The following RBFOX1 variants were observed in gnomAD, a reference collection of about 807,000 sequenced individuals.
RBFOX1 encodes the protein RNA binding fox-1 homolog 1.
A neutral mutation model predicts 57.7 loss-of-function variants in RBFOX1; 8 were observed. The ratio of observed to expected loss-of-function variants is 0.14; its 90% CI spans 0.08 to 0.25. RBFOX1 has a LOEUF of 0.25. Ranked by LOEUF, RBFOX1 falls within the 10% of genes least tolerant of loss-of-function variation. The pLI, the probability that RBFOX1 is intolerant of heterozygous loss-of-function variation, is 1.00. For missense variants in RBFOX1, 611 were observed against 548.5 expected (o/e 1.11, Z -1.14); for synonymous variants, 326 against 222.4 (o/e 1.47, Z -4.15).
chr16:6,418,548 G>A (rs941684673), intron 2 of RBFOX1, among the ~76,000 whole-genome samples: 5 of 117,024 alleles, frequency 4.3e-5, no homozygotes, highest in Non-Finnish European at 8.0e-5. Context: ...TTTTTTGACA[G>A]AGTCTGGCTC....
intron 4 of RBFOX1, among the ~76,000 whole-genome samples, chr16:5,956,678 A>ATATATATTTTTTTTT (rs368096576): frequency 8.6e-6 from 1 of 116,506 alleles, no homozygotes; most frequent in African/African-American, 3.5e-5. Context: ...ATATATATAT[A>ATATATATTTTTTTTT]TTTTTTTTGA....
chr16:7,691,635 T>C (rs2077361984), intron 14 of RBFOX1, among the ~76,000 whole-genome samples: 1 of 152,150 alleles, frequency 6.6e-6, no homozygotes, highest in South Asian at 2.1e-4. Context: ...TACTTGTAGG[T>C]TGCATTTTAA....
chr16:7,015,116 G>C (rs147757762), intron 3 of RBFOX1, among the ~76,000 whole-genome samples: 1 of 152,312 alleles, frequency 6.6e-6, no homozygotes, highest in African/African-American at 2.4e-5. Flanking sequence ...CTGAGACAGA[G>C]TTAAGGGTCA....
In RBFOX1 at chr16:6,744,963, A is replaced by G. The variant is rs139190965; in HGVS notation, c.-16+90313A>G. 8.5e-5 allele frequency among the ~76,000 whole-genome samples: 13 copies of G among 152,192 alleles called. No individual in the cohort carries two copies. The East Asian group carries it at 2.5e-3, about 29-fold the overall frequency. On this transcript the variant is annotated intron_variant, in intron 3 of 15. Transcript: ENST00000550418. ...GCCAGGCTTAGTAAAGTTAAGGAGA[A>G]GATACAAATTACCAATATCAGTATA...
intron 3 of RBFOX1, among the ~76,000 whole-genome samples, chr16:6,855,408 T>G (rs2057656840): frequency 6.6e-6 from 1 of 151,910 alleles, no homozygotes; most frequent in Non-Finnish European, 1.5e-5. Flanking sequence ...TCCCAGCACT[T>G]TGGGAGGGTG....
intron 4 of RBFOX1, among the ~76,000 whole-genome samples, chr16:7,346,258 G>A (rs2097002446): frequency 6.6e-6 from 1 of 151,928 alleles, no homozygotes; most frequent in African/African-American, 2.4e-5. Context: ...TCCAAGCAAT[G>A]CCCCTGGGCC....
At chr16:6,976,828 T>A (rs2087024352) in intron 3 of RBFOX1, among the ~76,000 whole-genome samples, 3 of 142,702 alleles carry the variant, frequency 2.1e-5, no homozygotes, top group Admixed American at 7.3e-5. Context: ...AGATCATATA[T>A]AATGTACCTA....
intron 2 of RBFOX1, among the ~76,000 whole-genome samples, chr16:6,605,051 T>G (rs1428711642): frequency 6.6e-6 from 1 of 151,992 alleles, no homozygotes; most frequent in Non-Finnish European, 1.5e-5. Flanking sequence ...TATAAACACA[T>G]GCACAACGTG....
intron 2 of RBFOX1, among the ~76,000 whole-genome samples, chr16:6,418,398 G>C (rs1433046933): frequency 6.6e-6 from 1 of 151,984 alleles, no homozygotes; most frequent in Non-Finnish European, 1.5e-5. Context: ...TGGGGAATAT[G>C]TCTATAAACC....
intron 3 of RBFOX1, among the ~76,000 whole-genome samples, chr16:5,813,820 T>C (rs181468987): frequency 6.6e-6 from 1 of 152,346 alleles, no homozygotes; most frequent in East Asian, 1.9e-4. Context: ...ATTTTAGTGA[T>C]TTATTCTGAC....
intron 2 of RBFOX1, among the ~76,000 whole-genome samples, chr16:6,601,808 A>C (rs1447940772): frequency 6.6e-6 from 1 of 152,176 alleles, no homozygotes; most frequent in Non-Finnish European, 1.5e-5. Context: ...TCAGCCAACT[A>C]GTGCTGCCCG....
chr16:6,007,855 A>C (rs2094936461), intron 4 of RBFOX1, among the ~76,000 whole-genome samples: 1 of 152,092 alleles, frequency 6.6e-6, no homozygotes, highest in Admixed American at 6.6e-5. Context: ...GACATTGATG[A>C]CATCTGTAGG....
chr16:7,220,476 G>A (rs553573058), intron 4 of RBFOX1, among the ~76,000 whole-genome samples: 38 of 152,294 alleles, frequency 2.5e-4, no homozygotes, highest in African/African-American at 8.9e-4. Flanking sequence ...ACCAACATGG[G>A]ACCTCCCTAA....
chr16:6,525,809 T>C (rs7186549), intron 2 of RBFOX1, among the ~76,000 whole-genome samples: 151,001 of 152,082 alleles, frequency 0.99, 74,968 homozygotes, highest in Middle Eastern at 1. Context: ...AGAGCTTTTC[T>C]CCCATAACTT....
At chr16:6,697,785 C>T (rs772459046) in intron 3 of RBFOX1, among the ~76,000 whole-genome samples, 2 of 152,186 alleles carry the variant, frequency 1.3e-5, no homozygotes, top group Non-Finnish European at 2.9e-5. Flanking sequence ...CAACAGAAGA[C>T]CCAACCTTGG....
chr16:6,653,935 A>T (rs1157460245), intron 2 of RBFOX1, among the ~76,000 whole-genome samples: 3 of 145,222 alleles, frequency 2.1e-5, no homozygotes, highest in African/African-American at 7.6e-5. Flanking sequence ...TAGATGATTG[A>T]TGGATAGAGG....
intron 3 of RBFOX1, among the ~76,000 whole-genome samples, chr16:6,990,747 A>G (rs888119415): frequency 6.6e-6 from 1 of 152,274 alleles, no homozygotes; most frequent in South Asian, 2.1e-4. Flanking sequence ...CTGGTCTTCC[A>G]TGATCTTCCA....
intron 4 of RBFOX1, among the ~76,000 whole-genome samples, chr16:7,271,216 C>T (rs2095310706): frequency 6.6e-6 from 1 of 152,068 alleles, no homozygotes; most frequent in Admixed American, 6.6e-5. Flanking sequence ...CATTCTGTCC[C>T]ATGCTTGCCT....
chr16:5,424,489 C>T (rs867579832), intron 1 of RBFOX1, among the ~76,000 whole-genome samples: 1 of 151,768 alleles, frequency 6.6e-6, no homozygotes. Context: ...GCCAGGGGCC[C>T]AGCACTTACG....
Sources: gnomAD v4.1 joint callset for allele counts (sites outside exome capture counted in the v4.1 genomes callset) on GRCh38, gnomAD v4.1.1 for gene constraint, MANE v1.5 for transcripts, NCBI Gene and HGNC (gene_info 2026-07-23, HGNC 2026-07-21) for gene names.